Variants in DCC observed in about 807,000 individuals in gnomAD.
DCC encodes netrin receptor DCC.
DCC carries 58 observed loss-of-function variants against 172.5 expected under a neutral mutation model. That is an observed-to-expected ratio of 0.34 (90% CI 0.27 to 0.42). The LOEUF is 0.42. Ranked by LOEUF, DCC falls within the 10% of genes least tolerant of loss-of-function variation. DCC has a pLI of 1.00. For synonymous variants in DCC, 709 were observed against 644.5 expected, an observed-to-expected ratio of 1.10 and a Z score of -1.52; for missense variants, 1,740 against 1,791.0, an observed-to-expected ratio of 0.97 and a Z score of 0.51.
intron 2 of DCC, among the ~76,000 whole-genome samples, chr18:52,837,807 A>T (rs1203934003): frequency 6.6e-6 from 1 of 152,208 alleles, no homozygotes; most frequent in Non-Finnish European, 1.5e-5. Flanking sequence ...TGCTTCTATA[A>T]AGATCTGCCC....
chr18:53,450,904 C>G (rs968362143), intron 23 of DCC, among the ~76,000 whole-genome samples: 3 of 152,204 alleles, frequency 2.0e-5, no homozygotes, highest in Non-Finnish European at 4.4e-5. Flanking sequence ...TTTTACTTCT[C>G]TGACCCCTTC....
chr18:53,105,309 C>T (rs901309553), intron 7 of DCC, among the ~76,000 whole-genome samples: 3 of 151,912 alleles, frequency 2.0e-5, no homozygotes, highest in Non-Finnish European at 4.4e-5. Context: ...GCAGACTACT[C>T]TTGTTGGCAA....
intron 1 of DCC, among the ~76,000 whole-genome samples, chr18:52,528,994 A>G (rs1365459548): frequency 6.6e-6 from 1 of 152,126 alleles, no homozygotes; most frequent in Non-Finnish European, 1.5e-5. Flanking sequence ...CCTAGTGCCA[A>G]TCTATAGACA....
intron 1 of DCC, among the ~76,000 whole-genome samples, chr18:52,404,290 C>T (rs1333677765): frequency 6.6e-6 from 1 of 151,980 alleles, no homozygotes; most frequent in Non-Finnish European, 1.5e-5. Flanking sequence ...GCAACTCTTC[C>T]TTCCATAGGT....
chr18:52,806,180 G>A (rs910255939), intron 2 of DCC, among the ~76,000 whole-genome samples: 1 of 152,088 alleles, frequency 6.6e-6, no homozygotes, highest in Non-Finnish European at 1.5e-5. Context: ...TTATTTCTTA[G>A]AGCAGTTTTT....
At chr18:52,857,075 C>A (rs954845891) in intron 2 of DCC, among the ~76,000 whole-genome samples, 1 of 152,056 alleles carries the variant, frequency 6.6e-6, no homozygotes, top group Non-Finnish European at 1.5e-5. Context: ...TTTAACTGAT[C>A]CATCACCATT....
At chr18:52,745,236 T>C (rs2036888580) in intron 1 of DCC, among the ~76,000 whole-genome samples, 1 of 152,228 alleles carries the variant, frequency 6.6e-6, no homozygotes, top group Non-Finnish European at 1.5e-5. Flanking sequence ...TAAGTTCACC[T>C]ACTTACTTAG....
intron 7 of DCC, among the ~76,000 whole-genome samples, chr18:53,085,405 T>C (rs1485315841): frequency 6.6e-6 from 1 of 152,086 alleles, no homozygotes; most frequent in East Asian, 1.9e-4. Context: ...CAGAGAAATG[T>C]CAGGAACCAG....
chr18:52,866,739 G>T (rs560335318), intron 2 of DCC, among the ~76,000 whole-genome samples: 17 of 152,190 alleles, frequency 1.1e-4, no homozygotes, highest in East Asian at 5.8e-4. Flanking sequence ...TTTTGTATCC[G>T]GAGACTTTGC....
intron 14 of DCC, among the ~76,000 whole-genome samples, chr18:53,335,161 C>A (rs566294852): frequency 3.3e-5 from 5 of 152,244 alleles, no homozygotes; most frequent in East Asian, 1.9e-4. Context: ...TGCAGTACAG[C>A]ATTTGCAGTA....
At chr18:53,383,045 T>C (rs1907888655) in intron 15 of DCC, among the ~76,000 whole-genome samples, 1 of 152,108 alleles carries the variant, frequency 6.6e-6, no homozygotes, top group African/African-American at 2.4e-5. Context: ...GTATTATAAA[T>C]TGAAGTTCAC....
intron 1 of DCC, among the ~76,000 whole-genome samples, chr18:52,514,256 G>A (rs1568207132): frequency 1.3e-5 from 2 of 152,182 alleles, no homozygotes; most frequent in Non-Finnish European, 2.9e-5. Flanking sequence ...TGTATAGAGA[G>A]AGAGATACAA....
chr18:52,628,669 A>G (rs2034617916), intron 1 of DCC, among the ~76,000 whole-genome samples: 1 of 152,138 alleles, frequency 6.6e-6, no homozygotes, highest in Admixed American at 6.5e-5. Flanking sequence ...GCCCTGGGAG[A>G]ACAGAGGCCT....
chr18:52,925,495 C>T (rs900515689), intron 5 of DCC, 125 bp downstream of exon 5: 7 of 917,508 alleles, frequency 7.6e-6, no homozygotes, highest in Admixed American at 3.4e-5. Flanking sequence ...TCCCAATACT[C>T]CACACATGTC....
chr18:52,454,506 A>C (rs1439561392), intron 1 of DCC, among the ~76,000 whole-genome samples: 1 of 151,816 alleles, frequency 6.6e-6, no homozygotes, highest in Non-Finnish European at 1.5e-5. Flanking sequence ...TTTTTGTATG[A>C]TCACTACCAG....
intron 5 of DCC, among the ~76,000 whole-genome samples, chr18:52,925,739 T>C (rs1360690654): frequency 6.6e-6 from 1 of 151,922 alleles, no homozygotes; most frequent in Admixed American, 6.6e-5. Context: ...AAAAGGCAGA[T>C]GTTATTTGAG....
At chr18:52,982,771 G>A (rs1396237060) in intron 5 of DCC, among the ~76,000 whole-genome samples, 1 of 152,134 alleles carries the variant, frequency 6.6e-6, no homozygotes, top group Non-Finnish European at 1.5e-5. Context: ...TGATAGAAGA[G>A]GGATAATTTC....
chr18:52,397,884 G>A (rs114151163), intron 1 of DCC, among the ~76,000 whole-genome samples: 3,588 of 152,010 alleles, frequency 0.024, 143 homozygotes, highest in African/African-American at 0.081. Context: ...TGCTGGCCAC[G>A]GAATATCTGT....
At chr18:52,591,142 GA>G (rs1230614749) in intron 1 of DCC, among the ~76,000 whole-genome samples, 1 of 152,130 alleles carries the variant, frequency 6.6e-6, no homozygotes, top group Non-Finnish European at 1.5e-5. Flanking sequence ...TATCAGGAAG[GA>G]AAACCTGCTA....
Sources: gnomAD v4.1 joint callset for allele counts (sites outside exome capture counted in the v4.1 genomes callset) on GRCh38, gnomAD v4.1.1 for gene constraint, MANE v1.5 for transcripts, NCBI Gene and HGNC (gene_info 2026-07-23, HGNC 2026-07-21) for gene names.